Variants in ARRDC3 observed in about 807,000 individuals in gnomAD.
ARRDC3 encodes arrestin domain containing 3, also known as arrestin domain-containing protein 3.
ARRDC3 carries 10 observed loss-of-function variants against 47.2 expected under a neutral mutation model. That is an observed-to-expected ratio of 0.21 (90% CI 0.13 to 0.36). The LOEUF is 0.36. Ranked by LOEUF, ARRDC3 falls within the 10% of genes least tolerant of loss-of-function variation. The pLI is 1.00. For synonymous variants in ARRDC3, 156 were observed against 178.3 expected (o/e 0.87, Z 1.00); for missense variants, 381 against 503.6 (o/e 0.76, Z 2.33).
At chr5:91,382,024 CTCTT>C (rs1446026497) in intron 1 of ARRDC3, among the ~76,000 whole-genome samples, 5 of 152,216 alleles carry the variant, frequency 3.3e-5, no homozygotes, top group African/African-American at 7.2e-5. Context: ...CTTTATCTCT[CTCTT>C]CTAACCAAAA....
chr5:91,373,282 G>A (rs1175391679), intron 7 of ARRDC3, among the ~76,000 whole-genome samples: 1 of 152,170 alleles, frequency 6.6e-6, no homozygotes, highest in East Asian at 1.9e-4. Flanking sequence ...TCTTATGACT[G>A]AGAATGTCAA....
chr5:91,376,127 T>C (rs1194165573), intron 3 of ARRDC3, among the ~76,000 whole-genome samples: 1 of 152,204 alleles, frequency 6.6e-6, no homozygotes, highest in Non-Finnish European at 1.5e-5. Flanking sequence ...ATTTGAATTA[T>C]TTTCAGACAA....
At chr5:91,375,921 T>TA (rs541859651) in intron 3 of ARRDC3, among the ~76,000 whole-genome samples, 37 of 151,456 alleles carry the variant, frequency 2.4e-4, no homozygotes, top group South Asian at 6.2e-4. Flanking sequence ...ACCAACCAAA[T>TA]AAAAAAAACC....
At chr5:91,375,861 C>T (rs200451228) in intron 3 of ARRDC3, among the ~76,000 whole-genome samples, 1 of 151,792 alleles carries the variant, frequency 6.6e-6, no homozygotes, top group African/African-American at 2.4e-5. Flanking sequence ...CAGCCTATCC[C>T]ATAAACATAG....
Position 91,371,263 on chromosome 5 carries a change from G to A in ARRDC3, c.*137C>T, listed in dbSNP as rs1055191891. 1 of 680,064 alleles carries A rather than the reference G, an allele frequency of 1.5e-6. No individual in the cohort carries two copies. Among genetic ancestry groups the A allele is most frequent in the Non-Finnish European group, 2.5e-6 (1 of 398,902 alleles). 42.1% of individuals were successfully genotyped at this position (680,064 alleles called of 1,614,324 possible). On this transcript the variant is annotated 3_prime_UTR_variant, in exon 8 of 8. Coordinates refer to ENST00000265138, the MANE Select transcript of ARRDC3 (RefSeq NM_020801.4). ...GGCTTCTAAAGCATGATCACTGGTTGTTTCATGTATTCGCCATTTTTCTGG... is the reference window on the plus strand; with the variant it reads ...GGCTTCTAAAGCATGATCACTGGTTATTTCATGTATTCGCCATTTTTCTGG...
intron 3 of ARRDC3, 181 bp downstream of exon 3, chr5:91,376,440 T>C (rs1799305250): frequency 1.7e-6 from 1 of 575,928 alleles, no homozygotes; most frequent in South Asian, 2.4e-5. Flanking sequence ...ATGTCAAAAA[T>C]ATGAGCATAT....
At position 91,376,605 on chromosome 5, in the gene ARRDC3, T is replaced by C; in HGVS notation, c.510+16A>G. Reference sequence around the variant, plus strand: ...TATGCCAAAAACAAAGAATAAATAATTCAGTCAATTCTTACCAGTAATGAA... The same window carrying C: ...TATGCCAAAAACAAAGAATAAATAACTCAGTCAATTCTTACCAGTAATGAA... On this transcript the variant is annotated intron_variant, in intron 3 of 7. Coordinates refer to ENST00000265138, the MANE Select transcript of ARRDC3 (RefSeq NM_020801.4). The C allele has an allele frequency of 6.3e-7, 1 of 1,583,172 alleles. No individual in the cohort carries two copies. The highest frequency in any genetic ancestry group is 8.6e-7 in the Non-Finnish European group (1 of 1,159,322).
At chr5:91,373,352 C>A (rs915384211) in intron 7 of ARRDC3, among the ~76,000 whole-genome samples, 4 of 152,040 alleles carry the variant, frequency 2.6e-5, no homozygotes, top group African/African-American at 9.7e-5. Flanking sequence ...TCAGTGTTTG[C>A]AAAATGCTAG....
intron 4 of ARRDC3, 85 bp from the exon 5 acceptor site, chr5:91,375,263 T>C (rs546017998): frequency 7.2e-7 from 1 of 1,397,370 alleles, no homozygotes; most frequent in Admixed American, 2.3e-5. Flanking sequence ...AGTAAGAAAG[T>C]GCAACTAACA....
intron 1 of ARRDC3, 147 bp from the exon 2 acceptor site, chr5:91,378,922 C>T: frequency 2.1e-6 from 1 of 486,868 alleles, no homozygotes; most frequent in East Asian, 3.5e-5. Context: ...CTAATTCTAA[C>T]TTCATCATTT....
chr5:91,377,372 GAA>G (rs1455399064), intron 2 of ARRDC3, among the ~76,000 whole-genome samples: 1 of 152,054 alleles, frequency 6.6e-6, no homozygotes, highest in African/African-American at 2.4e-5. Context: ...GGCTTCAAAA[GAA>G]AAAGATATAG....
At chr5:91,376,122 A>T (rs1474403861) in intron 3 of ARRDC3, among the ~76,000 whole-genome samples, 1 of 152,198 alleles carries the variant, frequency 6.6e-6, no homozygotes, top group African/African-American at 2.4e-5. Context: ...GTCAAATTTG[A>T]ATTATTTTCA....
intron 5 of ARRDC3, 101 bp from the exon 6 acceptor site, chr5:91,374,377 T>C: frequency 9.5e-7 from 1 of 1,056,874 alleles, no homozygotes; most frequent in Non-Finnish European, 1.4e-6. Flanking sequence ...CCCATTTACT[T>C]CATTTTTAAA....
intron 1 of ARRDC3, among the ~76,000 whole-genome samples, chr5:91,379,291 G>GAAA (rs1398042247): frequency 4.1e-5 from 2 of 49,074 alleles, no homozygotes; most frequent in African/African-American, 8.4e-5. Context: ...AATAGACGGA[G>GAAA]TAAAAAAAAA....
chr5:91,375,457 A>G (rs1363839), intron 4 of ARRDC3, 54 bp downstream of exon 4: 2 of 1,211,164 alleles, frequency 1.7e-6, no homozygotes, highest in African/African-American at 3.1e-5. Context: ...TATAAATTTA[A>G]ACACAAAAGC....
rs910601473 is a variant in ARRDC3 at position 91,370,722 on chromosome 5, G to A, written c.*678C>T. The stretch of plus-strand genomic sequence containing the variant: ...CTTTTTTTCCCACATTATCTGTTGC[G>A]TATCTACTACAGTAGGCTGCAAAAC... On this transcript the variant is annotated 3_prime_UTR_variant, in exon 8 of 8. Coordinates refer to ENST00000265138, the MANE Select transcript of ARRDC3 (RefSeq NM_020801.4). 3 of 152,170 alleles carry A rather than the reference G, an allele frequency of 2.0e-5. No individual in the cohort carries two copies. The highest frequency in any genetic ancestry group is 4.8e-5 in the African/African-American group (2 of 41,304). 9.4% of individuals were successfully genotyped at this position (152,170 alleles called of 1,614,324 possible). A position where few individuals can be genotyped will look rare whatever the true frequency, so the allele number is the denominator to read the frequency against.
chr5:91,373,345 G>A lies in ARRDC3; in HGVS notation c.1188+339C>T, dbSNP rs1799222359. Among the ~76,000 whole-genome samples the A allele has an allele frequency of 1.3e-5, 2 of 152,132 alleles. 1 individual carries two copies. Among genetic ancestry groups the A allele is most frequent in the South Asian group, 4.1e-4 (2 of 4,828 alleles). ...TAAGATAAATTCTACTATTTAATCA[G>A]TGTTTGCAAAATGCTAGTTCTTCCT... is the stretch of plus-strand genomic sequence containing the variant. On this transcript the variant is annotated intron_variant, in intron 7 of 7. Transcript: ENST00000265138.
chr5:91,371,116 C>A lies in ARRDC3; in HGVS notation c.*284G>T. On this transcript the variant is annotated 3_prime_UTR_variant, in exon 8 of 8. Transcript: ENST00000265138. ...AAAAGAAGGAAATCATCCCTCTTTA[C>A]AACGTGATGTCTTGACACGTACGAC... The A allele has an allele frequency of 6.6e-6, 2 of 303,140 alleles. No homozygotes were observed. The highest frequency in any genetic ancestry group is 5.7e-5 in the East Asian group (1 of 17,476). 18.8% of individuals were successfully genotyped at this position (303,140 alleles called of 1,614,324 possible). A position where few individuals can be genotyped will look rare whatever the true frequency, so the allele number is the denominator to read the frequency against.
intron 1 of ARRDC3, chr5:91,381,018 C>T (rs1015625103): frequency 6.6e-6 from 1 of 152,294 alleles, no homozygotes; most frequent in African/African-American, 2.4e-5. Flanking sequence ...CGAGCTCACT[C>T]TCCCCACCCG....
Sources: allele counts gnomAD v4.1 joint callset (sites outside exome capture counted in the v4.1 genomes callset), GRCh38; gene constraint gnomAD v4.1.1; transcripts MANE v1.5; gene names NCBI Gene and HGNC (gene_info 2026-07-23, HGNC 2026-07-21).